Variants in PKNOX1 observed in about 807,000 individuals in gnomAD.
The protein encoded by PKNOX1 is homeobox protein PKNOX1.
Under a neutral mutation model 51.9 loss-of-function variants are expected in PKNOX1, and 15 were observed. The observed-to-expected ratio is 0.29, with a 90% confidence interval of 0.19 to 0.45. The LOEUF is 0.45. Ranked by LOEUF, PKNOX1 falls within the 20% of genes least tolerant of loss-of-function variation. The pLI is 1.00. For synonymous variants in PKNOX1, 219 were observed against 211.1 expected (o/e 1.04, Z -0.32); for missense variants, 462 against 547.5 (o/e 0.84, Z 1.56).
chr21:43,028,870 G>A lies in PKNOX1; in HGVS notation c.1095G>A (p.Ser365=), dbSNP rs764247825. ...CACCGCCGAGCGAGCTCACCATGTC[G>A]GAAGGTACAGGTGGCCGGCCAAGGC... The part of the protein sequence containing the change: ...AQPPPSELTM[S]EGAVVTITTP... Residue 365 remains serine (S), a synonymous_variant, in exon 10 of 11, where the codon TCG becomes TCA. Transcript: ENST00000291547. 1.5e-5 allele frequency: 24 copies of A among 1,613,992 alleles called. 1 individual carries two copies. The highest frequency in any genetic ancestry group is 2.2e-5 in the South Asian group (2 of 91,088).
At chr21:42,991,276 C>G (rs2059085813) in intron 1 of PKNOX1, among the ~76,000 whole-genome samples, 1 of 150,946 alleles carries the variant, frequency 6.6e-6, no homozygotes, top group South Asian at 2.1e-4. Context: ...CGCTTGAAGC[C>G]AAGAGTTCGA....
At chr21:42,976,238 G>A (rs534291172) in intron 1 of PKNOX1, among the ~76,000 whole-genome samples, 2 of 152,314 alleles carry the variant, frequency 1.3e-5, no homozygotes, top group African/African-American at 4.8e-5. Flanking sequence ...GCAATAGCAA[G>A]CATTATATCT....
intron 1 of PKNOX1, among the ~76,000 whole-genome samples, chr21:42,993,989 C>G (rs1441358041): frequency 1.3e-5 from 2 of 148,614 alleles, no homozygotes; most frequent in East Asian, 2.0e-4. Context: ...GGCTCAGCCT[C>G]TCAAAGTGTT....
intron 1 of PKNOX1, among the ~76,000 whole-genome samples, chr21:42,988,631 G>T (rs1162671732): frequency 6.6e-6 from 1 of 152,154 alleles, no homozygotes; most frequent in Non-Finnish European, 1.5e-5. Flanking sequence ...CCCATTGAGC[G>T]CTGGGACACG....
chr21:43,031,489 C>T lies in PKNOX1; in HGVS notation c.*1388C>T, dbSNP rs1439845472. ...TCTGTTTCCTGGTAACAAGATGAAC[C>T]GAGAGAGTGGGCTGGGTTCTGTTTT... is the stretch of plus-strand genomic sequence containing the variant. On this transcript the variant is annotated 3_prime_UTR_variant, in exon 11 of 11. Coordinates refer to ENST00000291547, the MANE Select transcript of PKNOX1 (RefSeq NM_004571.5). 1.3e-5 allele frequency: 2 copies of T among 152,176 alleles called. No homozygotes were observed. The highest frequency in any genetic ancestry group is 6.5e-5 in the Admixed American group (1 of 15,270). The allele number at this position is 152,176 out of a possible 1,614,324, so 9.4% of individuals were successfully genotyped here.
At chr21:42,985,217 C>CCTCA (rs772815775) in intron 1 of PKNOX1, among the ~76,000 whole-genome samples, 3 of 152,018 alleles carry the variant, frequency 2.0e-5, no homozygotes, top group Non-Finnish European at 4.4e-5. Flanking sequence ...GAACTCCTCA[C>CCTCA]CTCAGGTGAT....
Position 43,029,961 on chromosome 21 carries a change from G to A in PKNOX1, c.1171G>A (p.Ala391Thr). The A allele has an allele frequency of 6.2e-7, 1 of 1,614,148 alleles. No homozygotes were observed. ...DSLQSLSSDG[A>T]TLAVQQVMMA... ...CCTTCAGTCTCTGTCCTCGGACGGG[G>A]CCACCCTGGCGGTGCAGCAGGTCAT... Residue 391 changes from alanine (A) to threonine (T), a missense_variant, in exon 11 of 11, where the codon GCC (alanine) becomes ACC (threonine). Physicochemically the swap from Ala to Thr is moderately conservative, Grantham distance 58 (BLOSUM62 0). This residue lies in a region of PKNOX1 where 118 missense variants were observed against 116.8 expected (regional missense o/e 1.01). Transcript: ENST00000291547.
Position 43,017,026 on chromosome 21 carries a change from G to T in PKNOX1, c.622+19G>T. The T allele has an allele frequency of 6.5e-7, 1 of 1,550,272 alleles. No homozygotes were observed. ...GTGGCAGGTACGATGACAGAAAAAT[G>T]GACACACTCTCCATGAGTTTTTGCA... On this transcript the variant is annotated intron_variant, in intron 6 of 10. Coordinates refer to ENST00000291547, the MANE Select transcript of PKNOX1 (RefSeq NM_004571.5).
chr21:43,007,235 C>A (rs1412413637), intron 2 of PKNOX1, among the ~76,000 whole-genome samples: 1 of 152,182 alleles, frequency 6.6e-6, no homozygotes, highest in African/African-American at 2.4e-5. Flanking sequence ...CTTCATTAGG[C>A]CATCGCCAGT....
chr21:43,024,658 G>A, intron 8 of PKNOX1: 1 of 555,964 alleles, frequency 1.8e-6, no homozygotes, highest in East Asian at 3.0e-5. Context: ...GGTCTGCCTT[G>A]GCCTATGCAC....
chr21:42,975,670 G>T (rs974555700), intron 1 of PKNOX1, among the ~76,000 whole-genome samples: 1 of 152,242 alleles, frequency 6.6e-6, no homozygotes, highest in Admixed American at 6.5e-5. Context: ...CGGGAGGCCC[G>T]AGGGTCCGGG....
At chr21:43,024,101 C>T (rs1021880711) in intron 8 of PKNOX1, among the ~76,000 whole-genome samples, 4 of 152,172 alleles carry the variant, frequency 2.6e-5, no homozygotes, top group African/African-American at 9.7e-5. Flanking sequence ...ATAGCAGGCA[C>T]TCCTGTCACC....
At chr21:43,015,395 T>C (rs1219761085) in intron 5 of PKNOX1, among the ~76,000 whole-genome samples, 1 of 152,254 alleles carries the variant, frequency 6.6e-6, no homozygotes, top group East Asian at 1.9e-4. Context: ...ATTGGTTTTT[T>C]GAATATTGAA....
chr21:43,010,248 T>A (rs778294581), intron 4 of PKNOX1, 24 bp downstream of exon 4: 2 of 1,337,316 alleles, frequency 1.5e-6, no homozygotes, highest in Non-Finnish European at 2.0e-6. Context: ...ATTTTATTTT[T>A]AGTTTTCAAA....
intron 1 of PKNOX1, among the ~76,000 whole-genome samples, chr21:42,998,227 G>A (rs1352830447): frequency 1.3e-5 from 2 of 152,166 alleles, no homozygotes; most frequent in African/African-American, 2.4e-5. Flanking sequence ...GTGTGCAGGG[G>A]AGCTCCTCTT....
chr21:42,987,951 C>T (rs377484367), intron 1 of PKNOX1, among the ~76,000 whole-genome samples: 10 of 151,970 alleles, frequency 6.6e-5, no homozygotes, highest in South Asian at 6.2e-4. Context: ...AGAAAGCATA[C>T]GTAATACAGA....
intron 5 of PKNOX1, among the ~76,000 whole-genome samples, chr21:43,014,225 A>G (rs111785472): frequency 0.037 from 5,667 of 151,876 alleles, 140 homozygotes; most frequent in Non-Finnish European, 0.056. Flanking sequence ...GTTTCACCGT[A>G]TTAGCCAGGA....
rs538397078 is a variant in PKNOX1 at position 43,030,630 on chromosome 21, T to TGAGC, written c.*530_*533dup. Reference sequence around the variant, plus strand: ...CAAGCCTAAGTCCCCTCATGTTCAGTGAGCCTGTTTCATTTGCTATATAGA... The same window carrying TGAGC: ...CAAGCCTAAGTCCCCTCATGTTCAGTGAGCGAGCCTGTTTCATTTGCTATATAGA... On this transcript the variant is annotated 3_prime_UTR_variant, in exon 11 of 11. Coordinates refer to ENST00000291547, the MANE Select transcript of PKNOX1 (RefSeq NM_004571.5). 1.3e-5 allele frequency: 2 copies of TGAGC among 152,816 alleles called. No homozygotes were observed. The highest frequency in any genetic ancestry group is 4.1e-4 in the South Asian group (2 of 4,822). The allele number at this position is 152,816 out of a possible 1,614,324, so 9.5% of individuals were successfully genotyped here.
intron 1 of PKNOX1, among the ~76,000 whole-genome samples, chr21:42,998,080 CTGGGCAATTTACAAAAGA>C (rs963454239): frequency 3.9e-5 from 6 of 152,264 alleles, no homozygotes; most frequent in African/African-American, 1.4e-4. Context: ...GTACCCAAGA[CTGGGCAATTTACAAAAGA>C]AAGAGGTTTA....
Sources: allele counts gnomAD v4.1 joint callset (sites outside exome capture counted in the v4.1 genomes callset), GRCh38; gene constraint gnomAD v4.1.1; regional missense constraint gnomAD v4.1.1; transcripts MANE v1.5; gene names NCBI Gene and HGNC (gene_info 2026-07-23, HGNC 2026-07-21).